GSTCD: variants seen among roughly 807,000 people sequenced by gnomAD.
GSTCD encodes the protein glutathione S-transferase C-terminal domain-containing protein.
A neutral mutation model predicts 68.3 loss-of-function variants in GSTCD; 44 were observed. The ratio of observed to expected loss-of-function variants is 0.64; its 90% CI spans 0.51 to 0.83. The LOEUF (loss-of-function observed/expected upper bound fraction) is 0.83. GSTCD is among the 40% of genes least tolerant of loss of function. The pLI is 0.00. For missense variants in GSTCD, 739 were observed against 735.9 expected, an observed-to-expected ratio of 1.00 and a Z score of -0.05; for synonymous variants, 273 against 255.2, an observed-to-expected ratio of 1.07 and a Z score of -0.67.
At chr4:105,839,256 A>G (rs1360415195) in intron 10 of GSTCD, among the ~76,000 whole-genome samples, 2 of 152,288 alleles carry the variant, frequency 1.3e-5, no homozygotes, top group Non-Finnish European at 2.9e-5. Context: ...TGGAAGAAAC[A>G]TTAGGACCCA....
At chr4:105,734,193 T>C (rs1252736370) in intron 5 of GSTCD, among the ~76,000 whole-genome samples, 4 of 152,178 alleles carry the variant, frequency 2.6e-5, no homozygotes, top group Non-Finnish European at 5.9e-5. Flanking sequence ...AGGAACATCT[T>C]TGTGGCATTC....
intron 5 of GSTCD, among the ~76,000 whole-genome samples, chr4:105,806,161 A>G (rs1452146327): frequency 3.9e-5 from 6 of 152,090 alleles, no homozygotes; most frequent in Admixed American, 2.0e-4. Flanking sequence ...AACAGTTGGT[A>G]TAGAGTTGAA....
intron 5 of GSTCD, among the ~76,000 whole-genome samples, chr4:105,732,641 G>A (rs569256733): frequency 1.3e-5 from 2 of 152,156 alleles, no homozygotes; most frequent in African/African-American, 4.8e-5. Flanking sequence ...CAAAAAACCA[G>A]CTCCTGGATT....
At chr4:105,765,923 C>A (rs539570914) in intron 5 of GSTCD, among the ~76,000 whole-genome samples, 7 of 152,148 alleles carry the variant, frequency 4.6e-5, no homozygotes, top group Non-Finnish European at 7.4e-5. Flanking sequence ...CCCAGCCATG[C>A]GGAACTGTGA....
At chr4:105,720,664 A>G (rs1394583104) in intron 3 of GSTCD, among the ~76,000 whole-genome samples, 4 of 152,206 alleles carry the variant, frequency 2.6e-5, no homozygotes, top group African/African-American at 4.8e-5. Flanking sequence ...CACAGAGTCC[A>G]TGGAGTTGAG....
intron 5 of GSTCD, 77 bp downstream of exon 5, chr4:105,729,576 C>A: frequency 1.1e-6 from 1 of 904,932 alleles, no homozygotes; most frequent in Non-Finnish European, 1.7e-6. Flanking sequence ...TTCTCTAAAT[C>A]TCCCTTTGGC....
intron 5 of GSTCD, among the ~76,000 whole-genome samples, chr4:105,737,914 C>T (rs1733510801): frequency 1.3e-5 from 2 of 152,156 alleles, no homozygotes; most frequent in Admixed American, 6.5e-5. Context: ...TTTGTGACAT[C>T]CTCATGGTAA....
At chr4:105,745,842 T>TC (rs1733784055) in intron 5 of GSTCD, among the ~76,000 whole-genome samples, 1 of 152,218 alleles carries the variant, frequency 6.6e-6, no homozygotes, top group Admixed American at 6.5e-5. Context: ...TAGGTGTTGT[T>TC]CCAGTTATAA....
At chr4:105,742,779 A>G (rs146905853) in intron 5 of GSTCD, among the ~76,000 whole-genome samples, 90 of 150,216 alleles carry the variant, frequency 6.0e-4, no homozygotes, top group African/African-American at 2.2e-3. Context: ...CAGTGGCTCA[A>G]TCATAGCTCA....
At chr4:105,802,061 A>C (rs1362625299) in intron 5 of GSTCD, among the ~76,000 whole-genome samples, 2 of 152,154 alleles carry the variant, frequency 1.3e-5, no homozygotes, top group African/African-American at 2.4e-5. Flanking sequence ...ATAATGAAGG[A>C]TATAATTTAT....
chr4:105,763,926 T>G (rs1389115930), intron 5 of GSTCD, among the ~76,000 whole-genome samples: 1 of 152,176 alleles, frequency 6.6e-6, no homozygotes, highest in African/African-American at 2.4e-5. Flanking sequence ...AAAGTCACCT[T>G]AGAATTATTA....
At chr4:105,765,985 G>C (rs1487423625) in intron 5 of GSTCD, among the ~76,000 whole-genome samples, 2 of 152,170 alleles carry the variant, frequency 1.3e-5, no homozygotes, top group Admixed American at 1.3e-4. Context: ...ACAGTTCTTT[G>C]TAGCAGCGTG....
intron 1 of GSTCD, among the ~76,000 whole-genome samples, chr4:105,713,864 A>T (rs1275692966): frequency 6.6e-6 from 1 of 151,678 alleles, no homozygotes; most frequent in East Asian, 1.9e-4. Context: ...TGTTATGTAT[A>T]CATAATGCCA....
At chr4:105,762,379 T>A (rs910056430) in intron 5 of GSTCD, among the ~76,000 whole-genome samples, 3 of 152,172 alleles carry the variant, frequency 2.0e-5, no homozygotes, top group African/African-American at 7.2e-5. Context: ...TTGGAGTCAG[T>A]TATTTGTTCT....
At chr4:105,735,462 G>C (rs184290617) in intron 5 of GSTCD, among the ~76,000 whole-genome samples, 1 of 152,318 alleles carries the variant, frequency 6.6e-6, no homozygotes, top group Admixed American at 6.5e-5. Context: ...GTTGGCGTGG[G>C]ACCATCTGAG....
intron 5 of GSTCD, among the ~76,000 whole-genome samples, chr4:105,794,105 A>G (rs781122527): frequency 1.3e-5 from 2 of 152,094 alleles, no homozygotes; most frequent in Non-Finnish European, 2.9e-5. Flanking sequence ...CATCTCATGA[A>G]GCATTTTGAT....
Position 105,847,300 on chromosome 4 carries a change from G to A in GSTCD, c.*1723G>A, listed in dbSNP as rs1014288765. 1 of 151,904 alleles carries A rather than the reference G, an allele frequency of 6.6e-6. No individual in the cohort carries two copies. Among genetic ancestry groups the A allele is most frequent in the African/African-American group, 2.4e-5 (1 of 41,348 alleles). The allele number at this position is 151,904 out of a possible 1,614,324, so 9.4% of individuals were successfully genotyped here. On this transcript the variant is annotated 3_prime_UTR_variant, in exon 12 of 12. Transcript: ENST00000515279. ...ATAGGAATATTTTACAGGGCAGTAT[G>A]GGTGGGGGTGGGAGACATATTGGAA...
intron 5 of GSTCD, chr4:105,820,613 A>C (rs534223840): frequency 6.6e-6 from 1 of 151,940 alleles, no homozygotes; most frequent in African/African-American, 2.4e-5. Flanking sequence ...TAGAACGGGG[A>C]AAGAGAATGC....
At chr4:105,837,385 G>C (rs1313030603) in intron 9 of GSTCD, among the ~76,000 whole-genome samples, 2 of 152,156 alleles carry the variant, frequency 1.3e-5, no homozygotes, top group African/African-American at 2.4e-5. Context: ...TCCCAAGCCT[G>C]CTTACCTCAC....
Sources: gnomAD v4.1 joint callset for allele counts (sites outside exome capture counted in the v4.1 genomes callset) on GRCh38, gnomAD v4.1.1 for gene constraint, MANE v1.5 for transcripts, NCBI Gene and HGNC (gene_info 2026-07-23, HGNC 2026-07-21) for gene names.